Variants in N4BP1 observed in about 807,000 individuals in gnomAD.
N4BP1 encodes NEDD4 binding protein 1.
N4BP1 carries 21 observed loss-of-function variants against 70.9 expected under a neutral mutation model. The ratio of observed to expected loss-of-function variants is 0.30; its 90% confidence interval spans 0.21 to 0.43. The LOEUF (loss-of-function observed/expected upper bound fraction) is 0.43. Ranked by LOEUF, N4BP1 falls within the 20% of genes least tolerant of loss-of-function variation. N4BP1 has a pLI of 1.00. For missense variants in N4BP1, 936 were observed against 1,069.4 expected (o/e 0.88, Z 1.74); for synonymous variants, 387 against 394.6 (o/e 0.98, Z 0.23).
At chr16:48,595,452 G>A (rs1964397004) in intron 1 of N4BP1, among the ~76,000 whole-genome samples, 1 of 49,442 alleles carries the variant, frequency 2.0e-5, no homozygotes, top group African/African-American at 1.1e-4. Context: ...GTGAGACTCT[G>A]TCTCAAAAAA....
At chr16:48,578,525 T>G (rs1227299701) in intron 1 of N4BP1, among the ~76,000 whole-genome samples, 1 of 152,232 alleles carries the variant, frequency 6.6e-6, no homozygotes, top group Non-Finnish European at 1.5e-5. Flanking sequence ...TTGGCCCAAG[T>G]TGCCTTTCAG....
intron 2 of N4BP1, among the ~76,000 whole-genome samples, chr16:48,560,308 A>G (rs1035564905): frequency 1.3e-5 from 2 of 152,184 alleles, no homozygotes; most frequent in African/African-American, 4.8e-5. Flanking sequence ...CTATCCACAG[A>G]AATACATCAC....
At chr16:48,591,886 GT>G (rs1555499240) in intron 1 of N4BP1, among the ~76,000 whole-genome samples, 21 of 112,108 alleles carry the variant, frequency 1.9e-4, no homozygotes, top group South Asian at 2.7e-4. Context: ...GTTACCTGAC[GT>G]TTTTTTTTTT....
At chr16:48,553,937 G>A (rs1023820158) in intron 2 of N4BP1, among the ~76,000 whole-genome samples, 1 of 152,108 alleles carries the variant, frequency 6.6e-6, no homozygotes, top group Non-Finnish European at 1.5e-5. Context: ...GAGCTCCATG[G>A]TAATACTTGT....
intron 1 of N4BP1, among the ~76,000 whole-genome samples, chr16:48,582,010 T>C (rs1383457237): frequency 6.6e-6 from 1 of 151,998 alleles, no homozygotes; most frequent in African/African-American, 2.4e-5. Flanking sequence ...TCAACAGAGA[T>C]TACCTACAGA....
chr16:48,600,112 G>C, intron 1 of N4BP1: 1 of 405,664 alleles, frequency 2.5e-6, no homozygotes, highest in South Asian at 3.4e-5. Context: ...TAAATATGCT[G>C]ATTCTTCTCA....
Position 48,551,467 on chromosome 16 carries a change from GT to G in N4BP1, c.2035del (p.Thr679ProfsTer11). On this transcript the variant is annotated frameshift_variant, in exon 4 of 7. Transcript: ENST00000262384. LOFTEE classifies it high-confidence loss of function. ...DPNVTEQHFL[T>X]QLQELGILSL... ...TAATATTCCGAGCTCCTGGAGCTGG[GT>G]TAAGAAGTGCTGTTCTGTTCATGGA... The G allele has an allele frequency of 6.2e-7, 1 of 1,613,146 alleles. No homozygotes were observed. The highest frequency in any genetic ancestry group is 8.5e-7 in the Non-Finnish European group (1 of 1,179,270).
intron 1 of N4BP1, among the ~76,000 whole-genome samples, chr16:48,591,416 C>T (rs779377603): frequency 6.6e-6 from 1 of 151,978 alleles, no homozygotes; most frequent in Non-Finnish European, 1.5e-5. Flanking sequence ...TTTGAAACAC[C>T]TTATGGGTCC....
chr16:48,603,124 T>C (rs534584610), intron 1 of N4BP1, among the ~76,000 whole-genome samples: 3 of 152,200 alleles, frequency 2.0e-5, no homozygotes, highest in Non-Finnish European at 4.4e-5. Context: ...CTACTTTAAT[T>C]ACATTTTTTT....
At chr16:48,560,689 T>C (rs1473857782) in intron 2 of N4BP1, 65 bp downstream of exon 2, 51 of 1,528,084 alleles carry the variant, frequency 3.3e-5, no homozygotes, top group Non-Finnish European at 4.3e-5. Flanking sequence ...CCCATATACA[T>C]GTGATTCTGA....
intron 1 of N4BP1, among the ~76,000 whole-genome samples, chr16:48,593,385 A>G (rs1346822463): frequency 6.6e-6 from 1 of 152,252 alleles, no homozygotes. Flanking sequence ...TTGGTAAAAG[A>G]TTTTAAGAAG....
At chr16:48,565,958 C>T (rs963681527) in intron 1 of N4BP1, among the ~76,000 whole-genome samples, 50 of 151,970 alleles carry the variant, frequency 3.3e-4, no homozygotes, top group African/African-American at 1.2e-3. Flanking sequence ...TCTGCAAAGA[C>T]ACCCTGGTTT....
At chr16:48,562,692 G>T (rs1963879350) in intron 1 of N4BP1, among the ~76,000 whole-genome samples, 1 of 152,184 alleles carries the variant, frequency 6.6e-6, no homozygotes. Flanking sequence ...AACATTTTAT[G>T]CAATGTGATC....
In N4BP1 at chr16:48,586,921, C is replaced by T. The variant is rs79273239; in HGVS notation, c.198+22854G>A. Among the ~76,000 whole-genome samples the T allele has an allele frequency of 5.1e-3, 779 of 152,150 alleles. 6 individuals are homozygous for T. Among genetic ancestry groups the T allele is most frequent in the African/African-American group, 0.017 (701 of 41,492 alleles). ...TACAAGATAGAATGGAAGGCCTTAGCGCCTTGTCAATGCCCACAATATGTT... is the reference window on the plus strand; with the variant it reads ...TACAAGATAGAATGGAAGGCCTTAGTGCCTTGTCAATGCCCACAATATGTT... On this transcript the variant is annotated intron_variant, in intron 1 of 6. Coordinates refer to ENST00000262384, the MANE Select transcript of N4BP1 (RefSeq NM_153029.4).
chr16:48,597,125 A>T (rs1193810749), intron 1 of N4BP1, among the ~76,000 whole-genome samples: 1 of 152,208 alleles, frequency 6.6e-6, no homozygotes, highest in Non-Finnish European at 1.5e-5. Flanking sequence ...CTGATCCCCG[A>T]ATATGGGGAA....
chr16:48,551,283 G>GC, intron 4 of N4BP1, 103 bp downstream of exon 4: 1 of 728,272 alleles, frequency 1.4e-6, no homozygotes, highest in Non-Finnish European at 2.4e-6. Flanking sequence ...TAAACCCACT[G>GC]CATCAAGCAG....
intron 1 of N4BP1, among the ~76,000 whole-genome samples, chr16:48,588,250 TA>T: frequency 6.7e-6 from 1 of 149,256 alleles, no homozygotes; most frequent in African/African-American, 2.5e-5. Flanking sequence ...GAAAATAAGG[TA>T]AAAAAAATGG....
intron 1 of N4BP1, among the ~76,000 whole-genome samples, chr16:48,593,606 T>C (rs769919991): frequency 4.2e-4 from 64 of 152,334 alleles, no homozygotes; most frequent in Admixed American, 7.8e-4. Context: ...TCCTAAATCA[T>C]TGTTCTGCTC....
In N4BP1 at chr16:48,609,838, C is replaced by A; in HGVS notation, c.135G>T (p.Glu45Asp). ...LAVLGALGAE[E>D]PLPARIWLQL... Reference sequence around the variant, plus strand: ...GCAGCCAGATGCGCGCGGGCAGCGGCTCCTCAGCCCCTAGCGCGCCGAGCA... The same window carrying A: ...GCAGCCAGATGCGCGCGGGCAGCGGATCCTCAGCCCCTAGCGCGCCGAGCA... The change falls in exon 1 of 7, where the codon GAG (glutamate) becomes GAT (aspartate). Residue 45 changes from glutamate (E) to aspartate (D), a missense_variant. By Grantham distance (45) the Glu-to-Asp change is conservative. Coordinates refer to ENST00000262384, the MANE Select transcript of N4BP1 (RefSeq NM_153029.4). 1.3e-6 allele frequency: 2 copies of A among 1,487,882 alleles called. No individual in the cohort carries two copies. Among genetic ancestry groups the A allele is most frequent in the Non-Finnish European group, 1.8e-6 (2 of 1,123,710 alleles). 92.2% of individuals were successfully genotyped at this position (1,487,882 alleles called of 1,614,324 possible).
Sources: gnomAD v4.1 joint callset for allele counts (sites outside exome capture counted in the v4.1 genomes callset) on GRCh38, gnomAD v4.1.1 for gene constraint, MANE v1.5 for transcripts, NCBI Gene and HGNC (gene_info 2026-07-23, HGNC 2026-07-21) for gene names.